The following CMTM8 variants were observed in gnomAD, a reference collection of about 807,000 sequenced individuals.
CMTM8 encodes CKLF like MARVEL transmembrane domain containing 8.
In CMTM8, 12 loss-of-function variants were observed where a neutral mutation model predicts 18.6. That is an observed-to-expected ratio of 0.65 (90% CI 0.41 to 1.05). The LOEUF is 1.05. Among genes scored for constraint, CMTM8 ranks in the 50% least tolerant of loss-of-function variants. The pLI, the probability that CMTM8 is intolerant of heterozygous loss-of-function variation, is 0.00. For missense variants in CMTM8, 217 were observed against 227.2 expected (o/e 0.95, Z 0.29); for synonymous variants, 87 against 90.6 (o/e 0.96, Z 0.23).
At chr3:32,308,293 T>C (rs747921615) in intron 1 of CMTM8, among the ~76,000 whole-genome samples, 24 of 152,186 alleles carry the variant, frequency 1.6e-4, no homozygotes, top group Non-Finnish European at 2.8e-4. Context: ...TAGTGATATA[T>C]TGTGAAGAAA....
intron 1 of CMTM8, among the ~76,000 whole-genome samples, chr3:32,245,665 G>A (rs571097040): frequency 6.6e-6 from 1 of 152,220 alleles, no homozygotes; most frequent in East Asian, 1.9e-4. Context: ...ACTTAGTTGG[G>A]GAAGGATAAA....
intron 1 of CMTM8, among the ~76,000 whole-genome samples, chr3:32,320,952 C>T (rs1303399955): frequency 1.3e-5 from 2 of 152,146 alleles, no homozygotes; most frequent in Admixed American, 6.5e-5. Context: ...CCTTCCTTCT[C>T]TACCCACTCC....
chr3:32,300,933 C>G (rs1355987141), intron 1 of CMTM8, among the ~76,000 whole-genome samples: 2 of 150,294 alleles, frequency 1.3e-5, no homozygotes, highest in African/African-American at 4.9e-5. Flanking sequence ...GCATTCTAGC[C>G]TGGGCAACAA....
At chr3:32,363,872 C>T (rs1696980877) in intron 2 of CMTM8, among the ~76,000 whole-genome samples, 1 of 152,198 alleles carries the variant, frequency 6.6e-6, no homozygotes, top group South Asian at 2.1e-4. Flanking sequence ...TAGCACTGAG[C>T]TCCTTTACTA....
intron 1 of CMTM8, among the ~76,000 whole-genome samples, chr3:32,277,400 C>CTT: frequency 6.8e-6 from 1 of 147,996 alleles, no homozygotes; most frequent in East Asian, 2.0e-4. Flanking sequence ...TTTTATTTTC[C>CTT]TTTTTTTTTT....
intron 1 of CMTM8, among the ~76,000 whole-genome samples, chr3:32,248,478 C>T (rs1022394597): frequency 5.9e-5 from 9 of 152,142 alleles, no homozygotes; most frequent in Admixed American, 3.3e-4. Context: ...TCTCCTGCCT[C>T]AGCCTCCTGA....
Position 32,369,948 on chromosome 3 carries a change from G to C in CMTM8, c.503G>C (p.Arg168Thr), listed in dbSNP as rs748453783. The change falls in exon 4 of 4, where the codon AGA becomes ACA. Residue 168 changes from arginine to threonine, a missense_variant. Arg to Thr is a moderately conservative substitution (Grantham distance 71). Transcript: ENST00000307526. ...ACATATTTCAGTTTTATAGCATGGA[G>C]ATCCAGGACCATACAGTGATTTACC... ...GNTYFSFIAWRSRTIQ is the reference protein window; with the variant it reads ...GNTYFSFIAWTSRTIQ 6.2e-7 allele frequency: 1 copy of C among 1,602,126 alleles called. No homozygotes were observed. Among genetic ancestry groups the C allele is most frequent in the African/African-American group, 1.3e-5 (1 of 74,888 alleles).
intron 1 of CMTM8, among the ~76,000 whole-genome samples, chr3:32,332,922 A>G (rs1435232650): frequency 6.6e-6 from 1 of 152,156 alleles, no homozygotes; most frequent in East Asian, 1.9e-4. Context: ...GGCTACCGTT[A>G]TTAATATGTG....
chr3:32,356,976 T>C (rs1696826767), intron 1 of CMTM8, among the ~76,000 whole-genome samples: 1 of 152,242 alleles, frequency 6.6e-6, no homozygotes, highest in Admixed American at 6.5e-5. Flanking sequence ...TGTTGGTCCC[T>C]GCCTGGACTG....
At chr3:32,295,020 A>C (rs1039843165) in intron 1 of CMTM8, among the ~76,000 whole-genome samples, 1 of 152,078 alleles carries the variant, frequency 6.6e-6, no homozygotes, top group South Asian at 2.1e-4. Context: ...ATGCCACTGC[A>C]ATCCAGCCTG....
At chr3:32,265,109 G>T (rs951207309) in intron 1 of CMTM8, among the ~76,000 whole-genome samples, 8 of 152,248 alleles carry the variant, frequency 5.3e-5, no homozygotes, top group Admixed American at 3.3e-4. Context: ...AGACCTAATA[G>T]ACATCTACAA....
chr3:32,326,311 A>C (rs1474860163), intron 1 of CMTM8, among the ~76,000 whole-genome samples: 1 of 152,174 alleles, frequency 6.6e-6, no homozygotes, highest in African/African-American at 2.4e-5. Context: ...TCAGTGAATA[A>C]AATCTGAACT....
In CMTM8 at chr3:32,301,115, A is replaced by G. The variant is rs9875939; in HGVS notation, c.148-56258A>G. 2.1e-3 allele frequency among the ~76,000 whole-genome samples: 320 copies of G among 152,314 alleles called. 1 individual carries two copies. Among genetic ancestry groups the G allele is most frequent in the African/African-American group, 7.4e-3 (308 of 41,574 alleles). Reference sequence around the variant, plus strand: ...TGGGAAGGATTTCTTATGGCAGAAAAGGAGCATCAGGGGTACTGCTATATG... The same window carrying G: ...TGGGAAGGATTTCTTATGGCAGAAAGGGAGCATCAGGGGTACTGCTATATG... On this transcript the variant is annotated intron_variant, in intron 1 of 3. Coordinates refer to ENST00000307526, the MANE Select transcript of CMTM8 (RefSeq NM_178868.5).
intron 2 of CMTM8, among the ~76,000 whole-genome samples, chr3:32,365,593 C>T (rs1397093062): frequency 6.6e-6 from 1 of 152,078 alleles, no homozygotes; most frequent in Admixed American, 6.6e-5. Flanking sequence ...TTACAGGGCC[C>T]ATCGCCACAT....
rs1696136162 is a variant in CMTM8, at chr3:32,325,685, T to C, written c.148-31688T>C. Reference sequence around the variant, plus strand: ...GCTGTCTCCTCCCCTACAATATTTCTGGTTGTGATTTTCAATGAAAAGGTA... The same window carrying C: ...GCTGTCTCCTCCCCTACAATATTTCCGGTTGTGATTTTCAATGAAAAGGTA... On this transcript the variant is annotated intron_variant, in intron 1 of 3. Coordinates refer to ENST00000307526, the MANE Select transcript of CMTM8 (RefSeq NM_178868.5). Among the ~76,000 whole-genome samples, 3 of 152,242 alleles carry C rather than the reference T, an allele frequency of 2.0e-5. 1 individual carries two copies. The South Asian group carries it at 6.2e-4, about 31-fold the overall frequency.
intron 1 of CMTM8, among the ~76,000 whole-genome samples, chr3:32,294,396 G>A (rs987891869): frequency 6.6e-6 from 1 of 152,148 alleles, no homozygotes; most frequent in East Asian, 1.9e-4. Flanking sequence ...TATGCTTTAC[G>A]CTGCATTTTT....
chr3:32,271,284 G>A (rs1044617579), intron 1 of CMTM8, among the ~76,000 whole-genome samples: 1 of 152,094 alleles, frequency 6.6e-6, no homozygotes, highest in Non-Finnish European at 1.5e-5. Flanking sequence ...GCGCCACCAC[G>A]CCCGGTAATT....
chr3:32,334,598 T>C (rs1189226136), intron 1 of CMTM8, among the ~76,000 whole-genome samples: 1 of 149,064 alleles, frequency 6.7e-6, no homozygotes, highest in Non-Finnish European at 1.5e-5. Flanking sequence ...AGAGCAAGAC[T>C]CCATCTCAAA....
At chr3:32,322,933 G>A (rs1044789826) in intron 1 of CMTM8, among the ~76,000 whole-genome samples, 2 of 152,146 alleles carry the variant, frequency 1.3e-5, no homozygotes, top group Non-Finnish European at 2.9e-5. Context: ...CAGAGTAGGC[G>A]TTTTATGGCT....
Sources: gnomAD v4.1 joint callset for allele counts (sites outside exome capture counted in the v4.1 genomes callset) on GRCh38, gnomAD v4.1.1 for gene constraint, MANE v1.5 for transcripts, NCBI Gene and HGNC (gene_info 2026-07-23, HGNC 2026-07-21) for gene names.